CYP2C18: variants seen among roughly 807,000 people sequenced by gnomAD.
CYP2C18 encodes cytochrome P450 family 2 subfamily C member 18.
A neutral mutation model predicts 41.3 loss-of-function variants in CYP2C18; 38 were observed. The ratio of observed to expected loss-of-function variants is 0.92; its 90% CI spans 0.71 to 1.21. The LOEUF (loss-of-function observed/expected upper bound fraction) is 1.21. CYP2C18 is among the 50% of genes most tolerant of loss of function. CYP2C18 has a pLI of 0.00. For synonymous variants in CYP2C18, 236 were observed against 210.0 expected, an observed-to-expected ratio of 1.12 and a Z score of -1.07; for missense variants, 635 against 591.4, an observed-to-expected ratio of 1.07 and a Z score of -0.77.
chr10:94,689,467 A>G (rs1564637275), intron 3 of CYP2C18, among the ~76,000 whole-genome samples: 1 of 152,242 alleles, frequency 6.6e-6, no homozygotes, highest in East Asian at 1.9e-4. Context: ...TGTCCACAGC[A>G]TGTCTCTGAT....
chr10:94,705,714 G>A (rs1446403438), intron 4 of CYP2C18, among the ~76,000 whole-genome samples: 1 of 152,132 alleles, frequency 6.6e-6, no homozygotes, highest in Non-Finnish European at 1.5e-5. Flanking sequence ...AATTTTGCGG[G>A]CATTATTCTG....
At chr10:94,693,497 A>T (rs1476575150) in intron 3 of CYP2C18, among the ~76,000 whole-genome samples, 1 of 152,174 alleles carries the variant, frequency 6.6e-6, no homozygotes, top group Non-Finnish European at 1.5e-5. Context: ...GAACAGCCTA[A>T]TATACTTCCC....
chr10:94,724,480 C>G lies in CYP2C18; in HGVS notation c.1096C>G (p.Leu366Val). 6.2e-7 allele frequency: 1 copy of G among 1,613,630 alleles called. No homozygotes were observed. Among genetic ancestry groups the G allele is most frequent in the Non-Finnish European group, 8.5e-7 (1 of 1,179,732 alleles). The stretch of plus-strand genomic sequence containing the variant: ...ATACATTGACCTCCTCCCCACCAAC[C>G]TGCCCCATGCAGTGACCTGTGATGT... ...QRYIDLLPTN[L>V]PHAVTCDVKF... The change falls in exon 7 of 9, where the codon CTG (leucine) becomes GTG (valine). Residue 366 changes from leucine (L) to valine (V), a missense_variant. Leu to Val is a conservative substitution (Grantham distance 32, BLOSUM62 1). Transcript: ENST00000285979.
At chr10:94,697,308 A>T (rs1450435906) in intron 4 of CYP2C18, among the ~76,000 whole-genome samples, 1 of 152,230 alleles carries the variant, frequency 6.6e-6, no homozygotes, top group African/African-American at 2.4e-5. Flanking sequence ...AAGCTAGAAG[A>T]GAATGGGGGC....
At chr10:94,729,796 C>G (rs918200061) in intron 7 of CYP2C18, among the ~76,000 whole-genome samples, 1 of 151,958 alleles carries the variant, frequency 6.6e-6, no homozygotes, top group Non-Finnish European at 1.5e-5. Flanking sequence ...ACTTTTGTAT[C>G]TAGGGTTTTA....
rs1035944597 is a variant in CYP2C18 at position 94,724,314 on chromosome 10, T to G, written c.962-32T>G. On this transcript the variant is annotated intron_variant, in intron 6 of 8. Transcript: ENST00000285979. ...TACAACAAATGTGCCATTTTCCTCCTTTTCCATCATTTCTTACTTGTGTCT... is the reference window on the plus strand; with the variant it reads ...TACAACAAATGTGCCATTTTCCTCCGTTTCCATCATTTCTTACTTGTGTCT... 6 of 1,609,902 alleles carry G rather than the reference T, an allele frequency of 3.7e-6. No individual in the cohort carries two copies. The African/African-American group carries it at 6.7e-5, about 18-fold the overall frequency.
intron 4 of CYP2C18, among the ~76,000 whole-genome samples, chr10:94,701,987 G>A (rs1233198002): frequency 6.6e-6 from 1 of 151,850 alleles, no homozygotes; most frequent in Non-Finnish European, 1.5e-5. Context: ...ATAAAACAAT[G>A]TCACTGGTAA....
rs528095606 is a variant in CYP2C18, at chr10:94,702,504, C to T, written c.643-4280C>T. On this transcript the variant is annotated intron_variant, in intron 4 of 8. Transcript: ENST00000285979. ...AAGTTGATCTTCAATGTCTGTTATC[C>T]TTTCTTCTGCTTGATCAATTTGGCT... 8.6e-5 allele frequency among the ~76,000 whole-genome samples: 13 copies of T among 151,532 alleles called. No homozygotes were observed. The East Asian group carries it at 2.5e-3, about 30-fold the overall frequency.
chr10:94,704,367 A>G (rs1847300303), intron 4 of CYP2C18, among the ~76,000 whole-genome samples: 1 of 148,940 alleles, frequency 6.7e-6, no homozygotes, highest in Admixed American at 6.7e-5. Flanking sequence ...TCCTTTAGTG[A>G]CTTTTCAAAA....
chr10:94,722,914 C>A (rs761362082), intron 6 of CYP2C18, among the ~76,000 whole-genome samples: 16 of 152,228 alleles, frequency 1.1e-4, no homozygotes, highest in South Asian at 2.1e-4. Flanking sequence ...GAAAGACCTC[C>A]ATTTTTCACC....
intron 4 of CYP2C18, among the ~76,000 whole-genome samples, chr10:94,705,606 T>C (rs533431919): frequency 6.6e-6 from 1 of 152,350 alleles, no homozygotes; most frequent in South Asian, 2.1e-4. Flanking sequence ...AACCTTTGAC[T>C]GATTTCCAGA....
chr10:94,716,090 C>T (rs554423204), intron 5 of CYP2C18, among the ~76,000 whole-genome samples: 35 of 152,146 alleles, frequency 2.3e-4, no homozygotes, highest in African/African-American at 7.0e-4. Context: ...CTTTATTAGT[C>T]TTGCTAGTGG....
At chr10:94,693,588 A>C (rs947981547) in intron 3 of CYP2C18, among the ~76,000 whole-genome samples, 1 of 152,188 alleles carries the variant, frequency 6.6e-6, no homozygotes, top group Non-Finnish European at 1.5e-5. Context: ...ACTTGCATGC[A>C]TGCATGCACA....
chr10:94,701,733 T>C (rs576438301), intron 4 of CYP2C18, among the ~76,000 whole-genome samples: 3 of 152,332 alleles, frequency 2.0e-5, no homozygotes, highest in African/African-American at 7.2e-5. Context: ...TGATGGCAGG[T>C]CAACTTTCTG....
chr10:94,729,115 T>A (rs191132700), intron 7 of CYP2C18, among the ~76,000 whole-genome samples: 21 of 152,228 alleles, frequency 1.4e-4, no homozygotes, highest in African/African-American at 5.1e-4. Flanking sequence ...GTTAGAACAC[T>A]GTTGTTGATG....
At chr10:94,706,070 G>C (rs1299345475) in intron 4 of CYP2C18, among the ~76,000 whole-genome samples, 1 of 152,144 alleles carries the variant, frequency 6.6e-6, no homozygotes, top group Non-Finnish European at 1.5e-5. Flanking sequence ...ATGCTACCAG[G>C]AAGTTCTGAA....
At chr10:94,699,527 A>G (rs1847191964) in intron 4 of CYP2C18, among the ~76,000 whole-genome samples, 2 of 152,214 alleles carry the variant, frequency 1.3e-5, no homozygotes, top group Non-Finnish European at 2.9e-5. Context: ...GATCATACCG[A>G]ATGGGCACAA....
chr10:94,735,123 G>T, intron 8 of CYP2C18, 140 bp from the exon 9 acceptor site: 1 of 825,798 alleles, frequency 1.2e-6, no homozygotes, highest in South Asian at 1.8e-5. Flanking sequence ...GTTTTTCTGT[G>T]TATCCAGCCA....
At position 94,687,923 on chromosome 10, in the gene CYP2C18, A is replaced by G; in HGVS notation, c.322A>G (p.Lys108Glu). ...GSFPVAEKVNKGLGILFSNGK... is the reference protein window; with the variant it reads ...GSFPVAEKVNEGLGILFSNGK... ...TTTTCCAGTGGCTGAAAAAGTTAAC[A>G]AAGGACTTGGTAAATGTGCATGTAT... Residue 108 changes from lysine to glutamate, a missense_variant, in exon 2 of 9, where the codon AAA becomes GAA. Transcript: ENST00000285979. 1 of 1,613,610 alleles carries G rather than the reference A, an allele frequency of 6.2e-7. No homozygotes were observed. The highest frequency in any genetic ancestry group is 1.3e-5 in the African/African-American group (1 of 75,002).
Sources: allele counts gnomAD v4.1 joint callset (sites outside exome capture counted in the v4.1 genomes callset), GRCh38; gene constraint gnomAD v4.1.1; transcripts MANE v1.5; gene names NCBI Gene and HGNC (gene_info 2026-07-23, HGNC 2026-07-21).